Variants in NACA observed in about 807,000 individuals in gnomAD.
The protein encoded by NACA is nascent polypeptide-associated complex subunit alpha.
Under a neutral mutation model 86.4 loss-of-function variants are expected in NACA, and 42 were observed. That is an observed-to-expected ratio of 0.49 (90% CI 0.38 to 0.63). The LOEUF is 0.63. Among genes scored for constraint, NACA ranks in the 20% least tolerant of loss-of-function variants. The pLI, the probability that NACA is intolerant of heterozygous loss-of-function variation, is 0.00. For missense variants in NACA, 2,157 were observed against 2,483.6 expected, an observed-to-expected ratio of 0.87 and a Z score of 2.80; for synonymous variants, 898 against 973.7, an observed-to-expected ratio of 0.92 and a Z score of 1.45.
intron 2 of NACA, 37 bp from the exon 3 acceptor site, chr12:56,721,496 G>C (rs764541118): frequency 2.9e-6 from 4 of 1,390,956 alleles, no homozygotes; most frequent in Middle Eastern, 1.9e-4. Flanking sequence ...AAAGGGGGAG[G>C]GGGAGGAGAA....
rs750134059 is a variant in NACA, at chr12:56,719,578, T to A, written c.1952A>T (p.Glu651Val). 1.5e-5 allele frequency: 25 copies of A among 1,613,906 alleles called. No homozygotes were observed. Among genetic ancestry groups the A allele is most frequent in the Non-Finnish European group, 2.1e-5 (25 of 1,179,872 alleles). ...ITPTVAAFPL[E>V]SADPAGVAPT... ...AGCCACCCCGGCAGGGTCAGCACTT[T>A]CCAAAGGAAATGCAGCCACTGTTGG... The change falls in exon 3 of 9, where the codon GAA (glutamate) becomes GTA (valine). Residue 651 changes from glutamate to valine, a missense_variant. This residue lies in a region of NACA where 947 missense variants were observed against 917.9 expected (regional missense o/e 1.03). Coordinates refer to ENST00000454682, the MANE Select transcript of NACA (RefSeq NM_001365896.1).
Position 56,719,775 on chromosome 12 carries a change from A to G in NACA, c.1755T>C (p.Ser585=). Residue 585 remains serine, a synonymous_variant, in exon 3 of 9, where the codon TCT becomes TCC. Coordinates refer to ENST00000454682, the MANE Select transcript of NACA (RefSeq NM_001365896.1). ...STSSSPEIPL[S]PEATLAKKSL... ...TTTTCTTTGCTAGGGTGGCTTCAGG[A>G]GAAAGAGGTATCTCTGGAGAAGAGG... 2 of 1,613,858 alleles carry G rather than the reference A, an allele frequency of 1.2e-6. No individual in the cohort carries two copies. The highest frequency in any genetic ancestry group is 8.5e-7 in the Non-Finnish European group (1 of 1,179,874).
In NACA at chr12:56,715,601, G is replaced by A. The variant is rs574744361; in HGVS notation, c.5659+270C>T. Among the ~76,000 whole-genome samples the A allele has an allele frequency of 1.1e-4, 17 of 152,228 alleles. No individual in the cohort carries two copies. In the South Asian group the frequency reaches 3.5e-3, roughly 32 times the overall value. ...AATGTCAGATCAATTAGGTAAAATAGATGGCATGGCAGGCTCAGGGTAGTC... is the reference window on the plus strand; with the variant it reads ...AATGTCAGATCAATTAGGTAAAATAAATGGCATGGCAGGCTCAGGGTAGTC... On this transcript the variant is annotated intron_variant, in intron 3 of 8. Coordinates refer to ENST00000454682, the MANE Select transcript of NACA (RefSeq NM_001365896.1).
At chr12:56,724,563 G>A in intron 1 of NACA, 40 bp from the exon 2 acceptor site, 1 of 1,583,094 alleles carries the variant, frequency 6.3e-7, no homozygotes, top group Non-Finnish European at 8.6e-7. Context: ...AATTGATTGG[G>A]ATACATTCAC....
At position 56,720,031 on chromosome 12, in the gene NACA, G is replaced by A. The variant is rs759039974; in HGVS notation, c.1499C>T (p.Thr500Ile). 3.5e-5 allele frequency: 57 copies of A among 1,613,842 alleles called. No individual in the cohort carries two copies. Among genetic ancestry groups the A allele is most frequent in the Non-Finnish European group, 4.6e-5 (54 of 1,179,882 alleles). The change falls in exon 3 of 9, where the codon ACT (threonine) becomes ATT (isoleucine). Residue 500 changes from threonine (T) to isoleucine (I), a missense_variant. Thr to Ile is a moderately conservative substitution (Grantham distance 89, BLOSUM62 -1). Around this residue, in one of 8 missense-constraint regions of NACA, gnomAD observed 947 missense variants for 917.9 expected, o/e 1.03. Coordinates refer to ENST00000454682, the MANE Select transcript of NACA (RefSeq NM_001365896.1). Reference sequence around the variant, plus strand: ...AGGAGGAGAGACTGGTATCCTCAGAGTGGTTGCTACTTGAGTAGAAGGCTC... The same window carrying A: ...AGGAGGAGAGACTGGTATCCTCAGAATGGTTGCTACTTGAGTAGAAGGCTC... ...PKEPSTQVAT[T>I]LRIPVSPPLP...
At chr12:56,722,005 A>C (rs1210011311) in intron 2 of NACA, among the ~76,000 whole-genome samples, 1 of 152,230 alleles carries the variant, frequency 6.6e-6, no homozygotes, top group African/African-American at 2.4e-5. Context: ...CTGAATAAGA[A>C]AACACAGGCT....
intron 3 of NACA, among the ~76,000 whole-genome samples, 174 bp downstream of exon 3, chr12:56,715,697 G>A (rs189174505): frequency 2.4e-4 from 37 of 152,086 alleles, no homozygotes; most frequent in Admixed American, 6.6e-4. Flanking sequence ...ACCAAGATTT[G>A]GTTTCATATT....
At position 56,718,399 on chromosome 12, in the gene NACA, T is replaced by C; in HGVS notation, c.3131A>G (p.Lys1044Arg). The C allele has an allele frequency of 1.8e-6, 2 of 1,107,254 alleles. No individual in the cohort carries two copies. The highest frequency in any genetic ancestry group is 2.7e-5 in the South Asian group (1 of 36,600). The allele number at this position is 1,107,254 out of a possible 1,614,324, so 68.6% of individuals were successfully genotyped here. A position where few individuals can be genotyped will look rare whatever the true frequency, so the allele number is the denominator to read the frequency against. ...GAGTGGGGTAGCTGCTGGACTTCCTTTGGGGGAGGGAGGAGTTGCAGCTGG... is the reference window on the plus strand; with the variant it reads ...GAGTGGGGTAGCTGCTGGACTTCCTCTGGGGGAGGGAGGAGTTGCAGCTGG... ...TPPAATPPSP[K>R]GSPAATPLPK... Residue 1044 changes from lysine (K) to arginine (R), a missense_variant, in exon 3 of 9, where the codon AAA (lysine) becomes AGA (arginine). Lys to Arg is a conservative substitution (Grantham distance 26). Around this residue, in one of 8 missense-constraint regions of NACA, gnomAD observed 124 missense variants for 186.5 expected, o/e 0.66. Transcript: ENST00000454682.
chr12:56,719,307 T>C lies in NACA; in HGVS notation c.2223A>G (p.Pro741=). The C allele has an allele frequency of 1.2e-6, 2 of 1,600,874 alleles. No homozygotes were observed. Among genetic ancestry groups the C allele is most frequent in the South Asian group, 1.1e-5 (1 of 90,004 alleles). ...TTTTTGTACCTGGAGGAGTCCCAGC[T>C]GGGGGAAGAGAGGGTGAGGGCACAG... ...PKSVPSPSLP[P]AGTPPGTKKV... is the part of the protein sequence containing the mutation. Residue 741 remains proline (P), a synonymous_variant, in exon 3 of 9, where the codon CCA becomes CCG. Transcript: ENST00000454682.
At position 56,714,674 on chromosome 12, in the gene NACA, T is replaced by G. The variant is rs746751293; in HGVS notation, c.5673A>C (p.Glu1891Asp). The change falls in exon 4 of 9, where the codon GAA becomes GAC. Residue 1891 changes from glutamate to aspartate, a missense_variant. Physicochemically the swap from Glu to Asp is conservative, Grantham distance 45 (BLOSUM62 2). Around this residue, in one of 8 missense-constraint regions of NACA, gnomAD observed 797 missense variants for 777.6 expected, o/e 1.02. Transcript: ENST00000454682. ...VTKNNKGSGT[E>D]SDSDESVPEL... ...CTGGTACTGATTCATCACTGTCAGA[T>G]TCTGTTCCAGACCCTAAGATGAGAA... The G allele has an allele frequency of 9.3e-6, 15 of 1,614,056 alleles. No homozygotes were observed. The highest frequency in any genetic ancestry group is 1.3e-5 in the Non-Finnish European group (15 of 1,180,028).
chr12:56,722,339 G>A (rs1461453659), intron 2 of NACA, among the ~76,000 whole-genome samples: 3 of 152,216 alleles, frequency 2.0e-5, no homozygotes, highest in East Asian at 1.9e-4. Flanking sequence ...GGTAGGGACT[G>A]TATTATGAAA....
At chr12:56,725,075 C>A in intron 1 of NACA, 188 bp downstream of exon 1, 1 of 152,978 alleles carries the variant, frequency 6.5e-6, no homozygotes, top group Non-Finnish European at 1.5e-5. Flanking sequence ...GCCCCGCAGC[C>A]CTTCTACCCT....
intron 3 of NACA, among the ~76,000 whole-genome samples, chr12:56,715,266 A>G (rs767541933): frequency 2.0e-5 from 3 of 152,156 alleles, no homozygotes; most frequent in Non-Finnish European, 2.9e-5. Flanking sequence ...ATGATGACCT[A>G]TATCTCTAGT....
At chr12:56,724,119 T>A (rs965042340) in intron 2 of NACA, among the ~76,000 whole-genome samples, 1 of 152,196 alleles carries the variant, frequency 6.6e-6, no homozygotes, top group Non-Finnish European at 1.5e-5. Context: ...TTGGCCTGTG[T>A]CATCTAGTTC....
At position 56,716,791 on chromosome 12, in the gene NACA, G is replaced by C. The variant is rs917011545; in HGVS notation, c.4739C>G (p.Ser1580Cys). Residue 1580 changes from serine (S) to cysteine (C), a missense_variant, in exon 3 of 9, where the codon TCC becomes TGC. Transcript: ENST00000454682. ...APATPSSKEA[S>C]SPPAVTPSTY... Reference sequence around the variant, plus strand: ...GGAAGGAGTCACTGCTGGGGGACTGGAGGCCTCTTTGGAGGATGGGGTAGC... The same window carrying C: ...GGAAGGAGTCACTGCTGGGGGACTGCAGGCCTCTTTGGAGGATGGGGTAGC... 7.4e-7 allele frequency: 1 copy of C among 1,353,166 alleles called. No individual in the cohort carries two copies. The highest frequency in any genetic ancestry group is 1.4e-5 in the South Asian group (1 of 71,526). 83.8% of individuals were successfully genotyped at this position (1,353,166 alleles called of 1,614,324 possible).
At chr12:56,715,691 A>C (rs1416673873) in intron 3 of NACA, among the ~76,000 whole-genome samples, 180 bp downstream of exon 3, 3 of 152,174 alleles carry the variant, frequency 2.0e-5, no homozygotes, top group African/African-American at 7.2e-5. Flanking sequence ...ATGAAAACCA[A>C]GATTTGGTTT....
chr12:56,714,432 G>A lies in NACA; in HGVS notation c.5753C>T (p.Ala1918Val), dbSNP rs1953294389. 1 of 1,613,908 alleles carries A rather than the reference G, an allele frequency of 6.2e-7. No homozygotes were observed. The highest frequency in any genetic ancestry group is 1.3e-5 in the African/African-American group (1 of 74,914). ...TGGTTCTTCATCAATTTCAGCTGCTGCCGCCAGCTAAGAAGATAAAACAGC... is the reference window on the plus strand; with the variant it reads ...TGGTTCTTCATCAATTTCAGCTGCTACCGCCAGCTAAGAAGATAAAACAGC... ...QATTQQAQLA[A>V]AAEIDEEPVS... is the part of the protein sequence containing the mutation. Residue 1918 changes from alanine (A) to valine (V), a missense_variant, in exon 5 of 9, where the codon GCA becomes GTA. This residue lies in a region of NACA where 81 missense variants were observed against 200.6 expected (regional missense o/e 0.40). Coordinates refer to ENST00000454682, the MANE Select transcript of NACA (RefSeq NM_001365896.1).
chr12:56,712,931 C>G (rs1446662813), intron 7 of NACA, 23 bp from the exon 8 acceptor site: 1 of 1,613,864 alleles, frequency 6.2e-7, no homozygotes, highest in Admixed American at 1.7e-5. Flanking sequence ...AGGGAAAAAG[C>G]AGTAAATTAA....
chr12:56,719,893 GGA>G lies in NACA; in HGVS notation c.1635_1636del (p.Pro546SerfsTer22). On this transcript the variant is annotated frameshift_variant, in exon 3 of 9. Transcript: ENST00000454682. LOFTEE classifies it high-confidence loss of function. ...CTTGGTGGTGAGTCCTGCTTGGGCT[GGA>G]GAGAAAGGGGCTCCTTCAAGAGAGG... 6.2e-7 allele frequency: 1 copy of G among 1,613,916 alleles called. No individual in the cohort carries two copies. Among genetic ancestry groups the G allele is most frequent in the Non-Finnish European group, 8.5e-7 (1 of 1,179,870 alleles).
Sources: gnomAD v4.1 joint callset for allele counts (sites outside exome capture counted in the v4.1 genomes callset) on GRCh38, gnomAD v4.1.1 for gene constraint, gnomAD v4.1.1 regional missense constraint, MANE v1.5 for transcripts, NCBI Gene and HGNC (gene_info 2026-07-23, HGNC 2026-07-21) for gene names.